Variants in INSL6 observed in about 807,000 individuals in gnomAD.
INSL6 encodes insulin like 6.
INSL6 carries 16 observed loss-of-function variants against 9.4 expected under a neutral mutation model. The ratio of observed to expected loss-of-function variants is 1.70; its 90% confidence interval spans 1.15 to 2.59. INSL6 has a LOEUF of 2.59. Among genes scored for constraint, INSL6 ranks in the 30% most tolerant of loss-of-function variants. The pLI is 0.00. For synonymous variants in INSL6, 154 were observed against 96.9 expected (o/e 1.59, Z -3.46); for missense variants, 391 against 257.3 (o/e 1.52, Z -3.56).
At chr9:5,116,579 C>A in the INSL6 span, among the ~76,000 whole-genome samples, 1 of 152,014 alleles carries the variant, frequency 6.6e-6, no homozygotes, top group Non-Finnish European at 1.5e-5. Flanking sequence ...AGCTGGCAAT[C>A]AAAAAATATT....
chr9:5,115,755 T>G, the INSL6 span, among the ~76,000 whole-genome samples: 2 of 152,204 alleles, frequency 1.3e-5, no homozygotes, highest in African/African-American at 4.8e-5. Flanking sequence ...GTTCATGTCC[T>G]TTGCAGGGAC....
chr9:5,050,796 C>T, the INSL6 span: 835 of 1,613,492 alleles, frequency 5.2e-4, 4 homozygotes, highest in South Asian at 2.9e-3. Flanking sequence ...CCAAAGAAAA[C>T]GATCAAACCC....
chr9:5,148,843 C>T (rs1329031135), intron 2 of INSL6, among the ~76,000 whole-genome samples: 1 of 152,200 alleles, frequency 6.6e-6, no homozygotes, highest in Admixed American at 6.5e-5. Context: ...AGCAAGGCAC[C>T]AGGCTGTGCA....
chr9:5,123,508 T>G (rs148589792), downstream of INSL6, among the ~76,000 whole-genome samples: 3 of 152,192 alleles, frequency 2.0e-5, no homozygotes, highest in Non-Finnish European at 4.4e-5. Flanking sequence ...TGAATAGTAT[T>G]CCATTTTGTA....
the INSL6 span, chr9:5,077,400 T>C: frequency 1.6e-6 from 1 of 611,898 alleles, no homozygotes; most frequent in Admixed American, 4.4e-5. Context: ...ATTACATATA[T>C]TTAATTATAT....
chr9:5,095,765 A>G, the INSL6 span, among the ~76,000 whole-genome samples: 4 of 151,958 alleles, frequency 2.6e-5, no homozygotes, highest in African/African-American at 9.7e-5. Context: ...ATCTTAACCT[A>G]CTCCTCAATT....
the INSL6 span, among the ~76,000 whole-genome samples, chr9:5,020,133 A>G: frequency 6.6e-6 from 1 of 151,854 alleles, no homozygotes; most frequent in Non-Finnish European, 1.5e-5. Context: ...TGGTAGGAGA[A>G]CCTCTGGCTG....
chr9:5,144,500 C>T (rs1366616667), intron 2 of INSL6, among the ~76,000 whole-genome samples: 1 of 152,054 alleles, frequency 6.6e-6, no homozygotes, highest in Non-Finnish European at 1.5e-5. Context: ...CTATGAGGAT[C>T]CATTTGATCC....
the INSL6 span, among the ~76,000 whole-genome samples, chr9:5,065,675 T>C: frequency 6.6e-6 from 1 of 152,222 alleles, no homozygotes; most frequent in Admixed American, 6.5e-5. Flanking sequence ...TTGTAGATCC[T>C]TACTTTAATA....
chr9:5,086,185 A>G, the INSL6 span: 12 of 501,964 alleles, frequency 2.4e-5, no homozygotes, highest in Non-Finnish European at 2.2e-5. Context: ...GTCTCCAGCA[A>G]CAGCCGCGCC....
At chr9:5,165,910 C>T (rs1825040815) in intron 1 of INSL6, among the ~76,000 whole-genome samples, 1 of 152,168 alleles carries the variant, frequency 6.6e-6, no homozygotes, top group South Asian at 2.1e-4. Context: ...CAGCCATGTT[C>T]TGAACCATGT....
At chr9:5,065,607 A>G in the INSL6 span, among the ~76,000 whole-genome samples, 1 of 152,162 alleles carries the variant, frequency 6.6e-6, no homozygotes. Flanking sequence ...TTTAATTTTA[A>G]TTTCTTTACA....
the INSL6 span, among the ~76,000 whole-genome samples, chr9:5,103,869 C>A: frequency 1.3e-5 from 2 of 151,964 alleles, no homozygotes; most frequent in African/African-American, 4.8e-5. Context: ...TTGAAACCAA[C>A]GAGAACAAAG....
intron 1 of INSL6, among the ~76,000 whole-genome samples, chr9:5,171,185 T>C (rs750996002): frequency 1.3e-4 from 20 of 152,088 alleles, no homozygotes; most frequent in Admixed American, 2.0e-4. Flanking sequence ...GTTCAAAATA[T>C]ACAAAATCAA....
the INSL6 span, among the ~76,000 whole-genome samples, chr9:5,083,026 CAT>C: frequency 6.6e-6 from 1 of 152,288 alleles, no homozygotes; most frequent in East Asian, 1.9e-4. Context: ...GAGGCTTTAA[CAT>C]GTAATGTGCA....
At chr9:5,078,199 C>A in the INSL6 span, 1 of 850,102 alleles carries the variant, frequency 1.2e-6, no homozygotes, top group Non-Finnish European at 1.8e-6. Flanking sequence ...AATTATTATA[C>A]TATCATGTAT....
At chr9:5,042,211 C>G in the INSL6 span, among the ~76,000 whole-genome samples, 2 of 149,468 alleles carry the variant, frequency 1.3e-5, no homozygotes, top group African/African-American at 4.9e-5. Flanking sequence ...AATCTCGGCT[C>G]ACTGCAAGCT....
the INSL6 span, chr9:5,072,562 G>C: frequency 6.2e-7 from 1 of 1,611,128 alleles, no homozygotes; most frequent in Non-Finnish European, 8.5e-7. Context: ...GGAGACTACG[G>C]TCAACTGCAT....
At chr9:5,022,358 T>C in the INSL6 span, 5 of 578,522 alleles carry the variant, frequency 8.6e-6, no homozygotes, top group African/African-American at 1.9e-5. Flanking sequence ...GCATAGAAAA[T>C]GAAAGTGTTA....
Sources: allele counts gnomAD v4.1 joint callset (sites outside exome capture counted in the v4.1 genomes callset), GRCh38; gene constraint gnomAD v4.1.1; transcripts MANE v1.5; gene names NCBI Gene and HGNC (gene_info 2026-07-23, HGNC 2026-07-21).